Variants in SPON1 observed in about 807,000 individuals in gnomAD.
The protein encoded by SPON1 is spondin-1.
A neutral mutation model predicts 111.7 loss-of-function variants in SPON1; 52 were observed. The ratio of observed to expected loss-of-function variants is 0.47; its 90% CI spans 0.37 to 0.59. SPON1 has a LOEUF of 0.59. Among genes scored for constraint, SPON1 ranks in the 20% least tolerant of loss-of-function variants. The pLI is 0.00. For missense variants in SPON1, 957 were observed against 1,068.5 expected, an observed-to-expected ratio of 0.90 and a Z score of 1.46; for synonymous variants, 410 against 395.8, an observed-to-expected ratio of 1.04 and a Z score of -0.43.
chr11:14,122,395 G>T (rs1309575439), intron 5 of SPON1, among the ~76,000 whole-genome samples: 3 of 152,128 alleles, frequency 2.0e-5, no homozygotes, highest in Non-Finnish European at 2.9e-5. Flanking sequence ...GGATGGTCTT[G>T]ATCTCCTGAC....
intron 14 of SPON1, among the ~76,000 whole-genome samples, chr11:14,261,054 C>G (rs1371802665): frequency 6.6e-6 from 1 of 152,134 alleles, no homozygotes; most frequent in Non-Finnish European, 1.5e-5. Context: ...CTCCTCTCCC[C>G]CAACAATTAT....
chr11:14,030,461 G>A (rs561314425), intron 2 of SPON1, among the ~76,000 whole-genome samples: 2 of 152,290 alleles, frequency 1.3e-5, no homozygotes, highest in East Asian at 1.9e-4. Context: ...AATGGTGCTC[G>A]TGGCCACGTC....
At chr11:14,206,630 A>G (rs566195644) in intron 6 of SPON1, among the ~76,000 whole-genome samples, 1 of 152,314 alleles carries the variant, frequency 6.6e-6, no homozygotes, top group East Asian at 1.9e-4. Flanking sequence ...CCCATTCACA[A>G]TTGCCACAAA....
Position 14,175,912 on chromosome 11 carries a change from T to A in SPON1, c.825+40344T>A, listed in dbSNP as rs75284163. On this transcript the variant is annotated intron_variant, in intron 6 of 15. Transcript: ENST00000576479. ...GCTGCATGGGAAACTGAATTAACAT[T>A]TTCCGTTCCAGCAAAACACACATAA... is the stretch of plus-strand genomic sequence containing the variant. 7.0e-3 allele frequency among the ~76,000 whole-genome samples: 1,059 copies of A among 152,262 alleles called. 9 individuals carry two copies. Among genetic ancestry groups the A allele is most frequent in the Non-Finnish European group, 0.011 (773 of 68,008 alleles).
intron 1 of SPON1, among the ~76,000 whole-genome samples, chr11:13,973,864 G>A (rs142403301): frequency 1.4e-4 from 22 of 152,260 alleles, no homozygotes; most frequent in African/African-American, 2.9e-4. Flanking sequence ...TGTTAACTAC[G>A]TCTGTTATAG....
chr11:14,070,579 A>G (rs868931003), intron 3 of SPON1, among the ~76,000 whole-genome samples: 2 of 152,234 alleles, frequency 1.3e-5, no homozygotes, highest in Non-Finnish European at 1.5e-5. Context: ...ACACCACAGT[A>G]GGAACTTACA....
intron 2 of SPON1, among the ~76,000 whole-genome samples, chr11:14,012,076 T>A (rs548554698): frequency 1.4e-3 from 214 of 152,220 alleles, no homozygotes; most frequent in Non-Finnish European, 2.7e-3. Flanking sequence ...AGATACCAAC[T>A]CTTGGGATGG....
chr11:14,206,150 T>C (rs1385434142), intron 6 of SPON1, among the ~76,000 whole-genome samples: 2 of 152,206 alleles, frequency 1.3e-5, no homozygotes, highest in Non-Finnish European at 2.9e-5. Context: ...CACTGTATCA[T>C]AAATATTTTT....
At chr11:14,205,438 T>C (rs1460201365) in intron 6 of SPON1, among the ~76,000 whole-genome samples, 3 of 152,208 alleles carry the variant, frequency 2.0e-5, no homozygotes, top group African/African-American at 7.2e-5. Flanking sequence ...TTTGGCATAT[T>C]CCCAAACAAT....
chr11:14,072,313 A>G (rs1554921002), intron 3 of SPON1, among the ~76,000 whole-genome samples: 2 of 152,170 alleles, frequency 1.3e-5, no homozygotes, highest in African/African-American at 4.8e-5. Flanking sequence ...GAGACATCTT[A>G]TAGGAAATAC....
At chr11:14,029,125 A>G (rs1848540089) in intron 2 of SPON1, among the ~76,000 whole-genome samples, 1 of 36,622 alleles carries the variant, frequency 2.7e-5, no homozygotes, top group Non-Finnish European at 5.8e-5. Flanking sequence ...AGTGACCCCT[A>G]CACACACACA....
At chr11:14,238,288 T>G (rs374262607) in intron 6 of SPON1, among the ~76,000 whole-genome samples, 8 of 152,226 alleles carry the variant, frequency 5.3e-5, no homozygotes, top group African/African-American at 1.9e-4. Context: ...CCAGGCTGAC[T>G]CCACACTGAG....
intron 6 of SPON1, among the ~76,000 whole-genome samples, chr11:14,229,299 C>T (rs547123024): frequency 6.6e-6 from 1 of 152,296 alleles, no homozygotes; most frequent in East Asian, 1.9e-4. Context: ...CAAAGAGGAT[C>T]TGAGAGTCTT....
chr11:14,254,708 C>T lies in SPON1; in HGVS notation c.1071C>T (p.Thr357=), dbSNP rs370990684. ...VQDLIPWDAG[T]DSGVTYESPN... ...ACCTGATTCCCTGGGACGCTGGCAC[C>T]GACAGCGGGGTGACCTATGAGGTGT... Residue 357 remains threonine (T), a synonymous_variant, in exon 8 of 16, where the codon ACC becomes ACT. Transcript: ENST00000576479. 222 of 1,613,832 alleles carry T rather than the reference C, an allele frequency of 1.4e-4. No homozygotes were observed. The African/African-American group carries it at 2.2e-3, about 16-fold the overall frequency.
At chr11:14,065,681 G>A (rs986926219) in intron 3 of SPON1, among the ~76,000 whole-genome samples, 13 of 152,178 alleles carry the variant, frequency 8.5e-5, no homozygotes, top group East Asian at 1.9e-4. Context: ...GCCCTTCTGC[G>A]TATCTACTGT....
intron 5 of SPON1, among the ~76,000 whole-genome samples, chr11:14,081,636 A>T (rs1254489088): frequency 6.6e-6 from 1 of 151,556 alleles, no homozygotes; most frequent in Non-Finnish European, 1.5e-5. Context: ...TTTTCTGTTC[A>T]TTGTCTGTTT....
In SPON1 at chr11:14,129,940, A is replaced by G. The variant is rs548971298; in HGVS notation, c.677-5480A>G. 3.7e-3 allele frequency among the ~76,000 whole-genome samples: 543 copies of G among 146,946 alleles called. 3 individuals are homozygous for G. The highest frequency in any genetic ancestry group is 0.014 in the African/African-American group (523 of 36,566). On this transcript the variant is annotated intron_variant, in intron 5 of 15. Transcript: ENST00000576479. ...AAACCATCAGATCTCATGAGAACTCACTCACTATCATGAGAACAGCATAAG... is the reference window on the plus strand; with the variant it reads ...AAACCATCAGATCTCATGAGAACTCGCTCACTATCATGAGAACAGCATAAG...
intron 5 of SPON1, among the ~76,000 whole-genome samples, chr11:14,080,527 C>G (rs1315099522): frequency 1.3e-5 from 2 of 152,124 alleles, no homozygotes; most frequent in East Asian, 3.9e-4. Context: ...CTGTGCCCAG[C>G]CCCAGCATTG....
intron 5 of SPON1, among the ~76,000 whole-genome samples, chr11:14,127,859 G>T (rs996915644): frequency 3.9e-5 from 6 of 152,194 alleles, no homozygotes; most frequent in Admixed American, 3.9e-4. Context: ...ATGGCAGAAG[G>T]TGAAAGACAA....
Sources: gnomAD v4.1 joint callset for allele counts (sites outside exome capture counted in the v4.1 genomes callset) on GRCh38, gnomAD v4.1.1 for gene constraint, MANE v1.5 for transcripts, NCBI Gene and HGNC (gene_info 2026-07-23, HGNC 2026-07-21) for gene names.